Variants in PTPRC observed in about 807,000 individuals in gnomAD.
PTPRC encodes protein tyrosine phosphatase receptor type C, also known as receptor-type tyrosine-protein phosphatase C.
PTPRC carries 44 observed loss-of-function variants against 155.9 expected under a neutral mutation model. The ratio of observed to expected loss-of-function variants is 0.28; its 90% CI spans 0.22 to 0.36. PTPRC has a LOEUF of 0.36. Among genes scored for constraint, PTPRC ranks in the 10% least tolerant of loss-of-function variants. PTPRC has a pLI of 1.00. For synonymous variants in PTPRC, 525 were observed against 533.1 expected (o/e 0.98, Z 0.21); for missense variants, 1,401 against 1,564.6 (o/e 0.90, Z 1.76).
intron 17 of PTPRC, 87 bp from the exon 18 acceptor site, chr1:198,731,530 T>C (rs949706501): frequency 3.3e-5 from 31 of 953,354 alleles, no homozygotes; most frequent in Non-Finnish European, 4.6e-5. Flanking sequence ...AGCTAAAGGA[T>C]TGAGTACACG....
intron 15 of PTPRC, among the ~76,000 whole-genome samples, chr1:198,725,341 A>G (rs1376045712): frequency 6.6e-6 from 1 of 152,194 alleles, no homozygotes; most frequent in African/African-American, 2.4e-5. Flanking sequence ...GGAAAGGTTG[A>G]TTAGATGTTC....
At position 198,724,497 on chromosome 1, in the gene PTPRC, G is replaced by A. The variant is rs991719632; in HGVS notation, c.1720+2021G>A. 4.0e-5 allele frequency among the ~76,000 whole-genome samples: 6 copies of A among 151,856 alleles called. No individual in the cohort carries two copies. The South Asian group carries it at 8.3e-4, about 21-fold the overall frequency. On this transcript the variant is annotated intron_variant, in intron 15 of 32. Transcript: ENST00000442510. ...TTTCTGTCTGAGTTCACTGATATAT[G>A]TTCTCTAGTGTAAGAAAAATAATTC...
chr1:198,649,549 A>G (rs1178816771), intron 2 of PTPRC, among the ~76,000 whole-genome samples: 1 of 151,878 alleles, frequency 6.6e-6, no homozygotes, highest in Admixed American at 6.6e-5. Flanking sequence ...TAAAGTACTT[A>G]AAGAAGTCAG....
chr1:198,725,256 C>T (rs920300222), intron 15 of PTPRC, among the ~76,000 whole-genome samples: 5 of 152,066 alleles, frequency 3.3e-5, no homozygotes, highest in African/African-American at 1.2e-4. Flanking sequence ...TTTTGGCATT[C>T]CCCTTTGGTG....
chr1:198,639,203 A>T, intron 1 of PTPRC, 23 bp from the exon 2 acceptor site: 2 of 1,306,700 alleles, frequency 1.5e-6, no homozygotes. Flanking sequence ...TTCTACAGAG[A>T]TAACAATTAT....
upstream of PTPRC, chr1:198,638,927 A>G (rs1299981120): frequency 4.1e-6 from 1 of 246,852 alleles, no homozygotes. Context: ...ACTTGGTGTA[A>G]TTACTTGAAT....
chr1:198,675,384 C>G (rs1208264517), intron 2 of PTPRC, among the ~76,000 whole-genome samples: 1 of 152,086 alleles, frequency 6.6e-6, no homozygotes, highest in African/African-American at 2.4e-5. Flanking sequence ...TACTTCATTA[C>G]TAATATTTAG....
chr1:198,711,613 TG>T (rs1218361708), intron 11 of PTPRC, among the ~76,000 whole-genome samples: 1 of 152,200 alleles, frequency 6.6e-6, no homozygotes, highest in African/African-American at 2.4e-5. Context: ...AAAACTTTTT[TG>T]ATGAATTGGA....
At chr1:198,679,922 G>A in intron 2 of PTPRC, 1 of 611,006 alleles carries the variant, frequency 1.6e-6, no homozygotes, top group South Asian at 1.9e-5. Context: ...GTGGGCGTCA[G>A]CACTTTGCCC....
chr1:198,707,453 A>AG (rs1008405361), intron 9 of PTPRC, among the ~76,000 whole-genome samples: 5 of 152,218 alleles, frequency 3.3e-5, no homozygotes, highest in African/African-American at 9.6e-5. Flanking sequence ...TGGAAAGAGG[A>AG]GGGGGTGACA....
Position 198,716,839 on chromosome 1 carries a change from T to C in PTPRC, c.1449T>C (p.Ala483=). ...AAMCHFTTKS[A]PPSQVWNMTV... ...TGTGTCATTTCACAACTAAAAGTGC[T>C]CGTAAGTTATATGTTTTAATGCTTC... Residue 483 remains alanine, a splice_region_variant and synonymous_variant, in exon 13 of 33, where the codon GCT becomes GCC. Transcript: ENST00000442510. The C allele has an allele frequency of 6.2e-7, 1 of 1,613,444 alleles. No homozygotes were observed. Among genetic ancestry groups the C allele is most frequent in the Non-Finnish European group, 8.5e-7 (1 of 1,179,826 alleles).
chr1:198,742,263 G>A lies in PTPRC; in HGVS notation c.2593G>A (p.Gly865Arg). The A allele has an allele frequency of 1.2e-6, 2 of 1,612,140 alleles. No individual in the cohort carries two copies. The highest frequency in any genetic ancestry group is 1.7e-6 in the Non-Finnish European group (2 of 1,178,870). ...AGVGRTGTYI[G>R]IDAMLEGLEA... ...TGTTGGGCGCACAGGAACCTATATCGGAATTGATGCCATGCTAGAAGGCCT... is the reference window on the plus strand; with the variant it reads ...TGTTGGGCGCACAGGAACCTATATCAGAATTGATGCCATGCTAGAAGGCCT... The change falls in exon 25 of 33, where the codon GGA becomes AGA. Residue 865 changes from glycine to arginine, a missense_variant. Gly to Arg is a moderately radical substitution (Grantham distance 125). Around this residue, in one of 3 missense-constraint regions of PTPRC, gnomAD observed 134 missense variants for 204.7 expected, o/e 0.65. Transcript: ENST00000442510.
rs989381557 is a variant in PTPRC, at chr1:198,740,351, G to C, written c.2404-1518G>C. Among the ~76,000 whole-genome samples the C allele has an allele frequency of 1.1e-4, 16 of 151,924 alleles. 1 individual carries two copies. The highest frequency in any genetic ancestry group is 1.8e-4 in the Non-Finnish European group (12 of 67,912). ...CCAGTACTTTAAGAGGACAAGTCGG[G>C]TGTATCATTTGAGGTCAGGAGTTTG... On this transcript the variant is annotated intron_variant, in intron 23 of 32. Transcript: ENST00000442510.
intron 2 of PTPRC, among the ~76,000 whole-genome samples, chr1:198,665,995 C>G (rs899636170): frequency 1.3e-5 from 2 of 152,080 alleles, no homozygotes; most frequent in African/African-American, 4.8e-5. Context: ...GACATAGGCA[C>G]TTTGAGAGGC....
Position 198,756,075 on chromosome 1 carries a change from C to G in PTPRC, c.3815C>G (p.Pro1272Arg), listed in dbSNP as rs969670354. 45 of 1,613,322 alleles carry G rather than the reference C, an allele frequency of 2.8e-5. No individual in the cohort carries two copies. The highest frequency in any genetic ancestry group is 3.7e-5 in the Non-Finnish European group (44 of 1,179,692). The change falls in exon 33 of 33, where the codon CCT becomes CGT. Residue 1272 changes from proline (P) to arginine (R), a missense_variant. Coordinates refer to ENST00000442510, the MANE Select transcript of PTPRC (RefSeq NM_002838.5). ...VNPLGAPEKL[P>R]EAKEQAEGSE... is the part of the protein sequence containing the mutation. ...CCACTTGGTGCCCCAGAAAAGCTCC[C>G]TGAAGCAAAGGAACAGGCTGAAGGT...
At chr1:198,692,407 A>G (rs1309894278) in intron 3 of PTPRC, 34 bp downstream of exon 3, 9 of 1,345,028 alleles carry the variant, frequency 6.7e-6, no homozygotes, top group Non-Finnish European at 7.8e-6. Flanking sequence ...TACTAATTTT[A>G]TTTTCTTGTT....
intron 15 of PTPRC, 63 bp downstream of exon 15, chr1:198,722,539 T>C (rs937264479): frequency 5.4e-5 from 52 of 968,464 alleles, no homozygotes; most frequent in Non-Finnish European, 7.0e-5. Context: ...TATAAAGCTA[T>C]ATTATTTTAC....
At chr1:198,652,673 GATT>G (rs2102219784) in intron 2 of PTPRC, among the ~76,000 whole-genome samples, 1 of 151,470 alleles carries the variant, frequency 6.6e-6, no homozygotes, top group Non-Finnish European at 1.5e-5. Context: ...GAATAGCTGT[GATT>G]CCTCCTTGCT....
rs1558043193 is a variant in PTPRC, at chr1:198,755,869, T to G, written c.3646-37T>G. On this transcript the variant is annotated intron_variant, in intron 32 of 32. Transcript: ENST00000442510. ...CTGGCATAAAAATAATGACATCAAC[T>G]TTCTTCATGTAATTTCCCACTTAAT... The G allele has an allele frequency of 1.9e-6, 3 of 1,568,656 alleles. No individual in the cohort carries two copies. The African/African-American group carries it at 4.1e-5, about 21-fold the overall frequency.
Sources: allele counts gnomAD v4.1 joint callset (sites outside exome capture counted in the v4.1 genomes callset), GRCh38; gene constraint gnomAD v4.1.1; regional missense constraint gnomAD v4.1.1; transcripts MANE v1.5; gene names NCBI Gene and HGNC (gene_info 2026-07-23, HGNC 2026-07-21).